PRKCA: variants seen among roughly 807,000 people sequenced by gnomAD.
PRKCA encodes protein kinase C alpha.
In PRKCA, 27 loss-of-function variants were observed where a neutral mutation model predicts 87.0. That is an observed-to-expected ratio of 0.31 (90% confidence interval 0.23 to 0.43). The LOEUF (loss-of-function observed/expected upper bound fraction) is 0.43. Among genes scored for constraint, PRKCA ranks in the 20% least tolerant of loss-of-function variants. The pLI is 1.00. For synonymous variants in PRKCA, 329 were observed against 311.1 expected, an observed-to-expected ratio of 1.06 and a Z score of -0.61; for missense variants, 518 against 852.3, an observed-to-expected ratio of 0.61 and a Z score of 4.88.
At chr17:66,393,408 G>GACACAC (rs58658273) in intron 2 of PRKCA, among the ~76,000 whole-genome samples, 1 of 151,616 alleles carries the variant, frequency 6.6e-6, no homozygotes, top group Non-Finnish European at 1.5e-5. Context: ...GCTTCTCCCG[G>GACACAC]ACACACACAC....
intron 16 of PRKCA, among the ~76,000 whole-genome samples, chr17:66,790,464 T>G (rs771335192): frequency 1.4e-4 from 21 of 152,108 alleles, no homozygotes; most frequent in Admixed American, 3.9e-4. Flanking sequence ...TCTGGAGGTT[T>G]TTGGGGGTGG....
intron 14 of PRKCA, chr17:66,775,144 C>G: frequency 1.0e-6 from 1 of 954,098 alleles, no homozygotes. Context: ...ATGCGAGAAG[C>G]CTGAGTCTTT....
intron 5 of PRKCA, among the ~76,000 whole-genome samples, chr17:66,659,723 A>G (rs1157352587): frequency 6.7e-6 from 1 of 148,910 alleles, no homozygotes; most frequent in African/African-American, 2.5e-5. Flanking sequence ...CCTGGGTAGC[A>G]GAGTGAGACT....
chr17:66,379,131 T>G (rs1044071579), intron 2 of PRKCA, among the ~76,000 whole-genome samples: 1 of 152,202 alleles, frequency 6.6e-6, no homozygotes. Context: ...CATGAGTTTT[T>G]TTGTGGACGT....
intron 1 of PRKCA, among the ~76,000 whole-genome samples, chr17:66,303,503 T>TA (rs5821533): frequency 6.6e-6 from 1 of 151,460 alleles, no homozygotes; most frequent in Non-Finnish European, 1.5e-5. Flanking sequence ...GCGTTCGGGG[T>TA]GGGGGGGTTG....
chr17:66,452,605 G>A (rs1914379416), intron 2 of PRKCA, among the ~76,000 whole-genome samples: 1 of 152,202 alleles, frequency 6.6e-6, no homozygotes, highest in Admixed American at 6.5e-5. Context: ...CTTCAGGAAT[G>A]CGGCCTCTGC....
At chr17:66,742,309 A>C (rs117138620) in intron 12 of PRKCA, among the ~76,000 whole-genome samples, 5,499 of 152,280 alleles carry the variant, frequency 0.036, 143 homozygotes, top group Middle Eastern at 0.085. Context: ...TGAATAAATC[A>C]AATGATTGAG....
At chr17:66,695,544 T>C (rs931396173) in intron 8 of PRKCA, among the ~76,000 whole-genome samples, 9 of 152,222 alleles carry the variant, frequency 5.9e-5, no homozygotes, top group Non-Finnish European at 1.2e-4. Context: ...TCAATTTTGC[T>C]CAATTGTCCA....
intron 3 of PRKCA, among the ~76,000 whole-genome samples, chr17:66,628,808 A>T (rs1484646083): frequency 6.6e-6 from 1 of 152,190 alleles, no homozygotes; most frequent in African/African-American, 2.4e-5. Flanking sequence ...TGGGCGGATC[A>T]CCTTAGGTCA....
Position 66,746,399 on chromosome 17 carries a change from A to G in PRKCA, c.1524+3639A>G, listed in dbSNP as rs531507460. 9.2e-5 allele frequency among the ~76,000 whole-genome samples: 14 copies of G among 152,132 alleles called. No homozygotes were observed. In the South Asian group the frequency reaches 2.7e-3, roughly 29 times the overall value. ...ATTTGGCCACACGAATACTTACAGT[A>G]TAGAGAAAGATCAGATAGGTTCAAG... is the stretch of plus-strand genomic sequence containing the variant. On this transcript the variant is annotated intron_variant, in intron 13 of 16. Transcript: ENST00000413366.
At chr17:66,398,669 T>G (rs750194917) in intron 2 of PRKCA, among the ~76,000 whole-genome samples, 4 of 152,070 alleles carry the variant, frequency 2.6e-5, no homozygotes, top group Non-Finnish European at 5.9e-5. Flanking sequence ...GTGTTCAGGG[T>G]AATCAGAAAG....
intron 2 of PRKCA, among the ~76,000 whole-genome samples, chr17:66,448,980 T>TA (rs58373500): frequency 0.029 from 4,083 of 140,556 alleles, 151 homozygotes; most frequent in African/African-American, 0.092. Context: ...ACTCTAAACT[T>TA]AAAAAAAAAA....
At chr17:66,662,838 C>T (rs1389431922) in intron 5 of PRKCA, among the ~76,000 whole-genome samples, 1 of 152,098 alleles carries the variant, frequency 6.6e-6, no homozygotes, top group Non-Finnish European at 1.5e-5. Context: ...ATCTCTCTCT[C>T]CAAACACCGT....
At chr17:66,436,063 AG>A (rs1352971854) in intron 2 of PRKCA, among the ~76,000 whole-genome samples, 4 of 152,116 alleles carry the variant, frequency 2.6e-5, no homozygotes, top group Non-Finnish European at 2.9e-5. Flanking sequence ...GCAGGGGAAA[AG>A]GGGGGTCCCA....
intron 14 of PRKCA, among the ~76,000 whole-genome samples, chr17:66,783,764 G>A (rs780406318): frequency 3.2e-4 from 48 of 152,346 alleles, no homozygotes; most frequent in Admixed American, 2.2e-3. Context: ...CTTAGAGAAC[G>A]TTTCTCTTAG....
At chr17:66,719,522 G>A (rs1973560466) in intron 8 of PRKCA, among the ~76,000 whole-genome samples, 1 of 152,204 alleles carries the variant, frequency 6.6e-6, no homozygotes, top group Non-Finnish European at 1.5e-5. Context: ...TGCAATCCCA[G>A]CACTTTGGCC....
chr17:66,469,084 G>A (rs1015181046), intron 2 of PRKCA, among the ~76,000 whole-genome samples: 1 of 152,048 alleles, frequency 6.6e-6, no homozygotes, highest in South Asian at 2.1e-4. Flanking sequence ...TTATTCCCTC[G>A]AAATGCAAAC....
chr17:66,531,689 G>T (rs1313300188), intron 3 of PRKCA, among the ~76,000 whole-genome samples: 1 of 152,094 alleles, frequency 6.6e-6, no homozygotes, highest in Non-Finnish European at 1.5e-5. Flanking sequence ...TCCCTTCAAG[G>T]GTTAAATAAG....
chr17:66,429,638 C>T (rs1207929569), intron 2 of PRKCA, among the ~76,000 whole-genome samples: 1 of 151,952 alleles, frequency 6.6e-6, no homozygotes, highest in Non-Finnish European at 1.5e-5. Context: ...ACCTAAGGTC[C>T]AACTGCTGAT....
Sources: gnomAD v4.1 joint callset for allele counts (sites outside exome capture counted in the v4.1 genomes callset) on GRCh38, gnomAD v4.1.1 for gene constraint, MANE v1.5 for transcripts, NCBI Gene and HGNC (gene_info 2026-07-23, HGNC 2026-07-21) for gene names.